The following SDK2 variants were observed in gnomAD, a reference collection of about 807,000 sequenced individuals.
SDK2 encodes the protein sidekick cell adhesion molecule 2, also known as protein sidekick-2.
In SDK2, 105 loss-of-function variants were observed where a neutral mutation model predicts 253.9. The ratio of observed to expected loss-of-function variants is 0.41; its 90% CI spans 0.35 to 0.49. The LOEUF (loss-of-function observed/expected upper bound fraction) is 0.49. Ranked by LOEUF, SDK2 falls within the 20% of genes least tolerant of loss-of-function variation. The pLI is 0.06. For missense variants in SDK2, 2,608 were observed against 3,003.0 expected (o/e 0.87, Z 3.07); for synonymous variants, 1,249 against 1,234.9 (o/e 1.01, Z -0.24).
intron 2 of SDK2, among the ~76,000 whole-genome samples, chr17:73,505,052 G>A (rs927426030): frequency 5.5e-5 from 5 of 90,354 alleles, no homozygotes; most frequent in Non-Finnish European, 8.2e-5. Context: ...CCAAGTGCGC[G>A]CTCATCTATT....
intron 3 of SDK2, among the ~76,000 whole-genome samples, chr17:73,463,465 C>G (rs1304953800): frequency 6.6e-6 from 1 of 152,120 alleles, no homozygotes; most frequent in Non-Finnish European, 1.5e-5. Flanking sequence ...ATAAACACTC[C>G]TGCACCTACC....
At chr17:73,547,893 T>A (rs1567836006) in intron 1 of SDK2, among the ~76,000 whole-genome samples, 1 of 152,130 alleles carries the variant, frequency 6.6e-6, no homozygotes, top group Non-Finnish European at 1.5e-5. Flanking sequence ...GCAGGCTTAC[T>A]AGGAAGCATG....
chr17:73,539,149 A>G (rs1422659468), intron 1 of SDK2, among the ~76,000 whole-genome samples: 1 of 152,196 alleles, frequency 6.6e-6, no homozygotes, highest in African/African-American at 2.4e-5. Flanking sequence ...AAGAGGAACC[A>G]GGCTATGTCC....
At chr17:73,588,576 C>A (rs1340035142) in intron 1 of SDK2, among the ~76,000 whole-genome samples, 1 of 152,030 alleles carries the variant, frequency 6.6e-6, no homozygotes. Context: ...AGGGCCAACT[C>A]AACTTTGCCC....
intron 1 of SDK2, among the ~76,000 whole-genome samples, chr17:73,543,603 G>A (rs1472499559): frequency 6.6e-6 from 1 of 152,250 alleles, no homozygotes; most frequent in Admixed American, 6.5e-5. Flanking sequence ...GGCTGGGCAA[G>A]TGCACCTTGA....
At chr17:73,549,870 C>T (rs1465127297) in intron 1 of SDK2, among the ~76,000 whole-genome samples, 1 of 152,144 alleles carries the variant, frequency 6.6e-6, no homozygotes, top group African/African-American at 2.4e-5. Context: ...AGAAAGATCA[C>T]TCTGGCTGCA....
chr17:73,468,137 C>T (rs978293279), intron 3 of SDK2, among the ~76,000 whole-genome samples: 9 of 152,258 alleles, frequency 5.9e-5, no homozygotes, highest in African/African-American at 9.6e-5. Context: ...GGGGCAGGGC[C>T]GGGCTGGCAG....
At chr17:73,624,960 G>A (rs1040608816) in intron 1 of SDK2, among the ~76,000 whole-genome samples, 4 of 152,184 alleles carry the variant, frequency 2.6e-5, no homozygotes, top group Admixed American at 1.3e-4. Flanking sequence ...AGGGAAGGAG[G>A]AAACTGAATA....
chr17:73,389,468 G>A (rs1190498522), intron 29 of SDK2, among the ~76,000 whole-genome samples: 1 of 152,152 alleles, frequency 6.6e-6, no homozygotes, highest in Non-Finnish European at 1.5e-5. Context: ...ACAGGTGTGA[G>A]CCACCATGCC....
intron 4 of SDK2, among the ~76,000 whole-genome samples, chr17:73,449,017 G>A (rs890566990): frequency 6.6e-6 from 1 of 152,124 alleles, no homozygotes; most frequent in Non-Finnish European, 1.5e-5. Flanking sequence ...GGGCTGGTTA[G>A]GAGGGAAAAA....
Position 73,423,485 on chromosome 17 carries a change from G to C in SDK2, c.1798C>G (p.Leu600Val). 6.3e-7 allele frequency: 1 copy of C among 1,591,876 alleles called. No individual in the cohort carries two copies. Among genetic ancestry groups the C allele is most frequent in the Non-Finnish European group, 8.6e-7 (1 of 1,166,704 alleles). The change falls in exon 14 of 45, where the codon CTC (leucine) becomes GTC (valine). Residue 600 changes from leucine to valine, a missense_variant. By Grantham distance (32) the Leu-to-Val change is conservative. This residue lies in a region of SDK2 where 1,505 missense variants were observed against 1,859.1 expected (regional missense o/e 0.81). Transcript: ENST00000392650. ...PHAPEHPVATLSTVERRAINL... is the reference protein window; with the variant it reads ...PHAPEHPVATVSTVERRAINL... ...ATGGCTCGCCTTTCCACGGTGCTGA[G>C]AGTGGCCACTGGGTGCTCGGGCGCG...
At chr17:73,416,125 G>A (rs749545212) in intron 16 of SDK2, 133 bp from the exon 17 acceptor site, 12 of 725,200 alleles carry the variant, frequency 1.7e-5, no homozygotes, top group Middle Eastern at 4.0e-4. Flanking sequence ...TGTGCTGTCC[G>A]ACAGGGTGCC....
chr17:73,409,783 A>G (rs76410287), intron 18 of SDK2, among the ~76,000 whole-genome samples: 5,117 of 152,244 alleles, frequency 0.034, 123 homozygotes, highest in Non-Finnish European at 0.056. Context: ...ATTCATTGGT[A>G]TTGAAAATGT....
chr17:73,606,002 C>A (rs967049783), intron 1 of SDK2, among the ~76,000 whole-genome samples: 49 of 144,434 alleles, frequency 3.4e-4, no homozygotes, highest in Middle Eastern at 3.5e-3. Flanking sequence ...AAAAAAAAAA[C>A]CCCACTCATA....
At chr17:73,367,854 G>A (rs147731361) in intron 37 of SDK2, among the ~76,000 whole-genome samples, 10 of 152,230 alleles carry the variant, frequency 6.6e-5, no homozygotes, top group Non-Finnish European at 1.5e-4. Flanking sequence ...AGGGCTTTGT[G>A]GGTGAGCCTA....
intron 1 of SDK2, among the ~76,000 whole-genome samples, chr17:73,513,030 A>G (rs907092450): frequency 2.0e-5 from 3 of 152,046 alleles, no homozygotes; most frequent in African/African-American, 7.3e-5. Flanking sequence ...AGATTTAAAA[A>G]TATACTGTCT....
chr17:73,554,952 A>C (rs971857408), intron 1 of SDK2, among the ~76,000 whole-genome samples: 1 of 152,232 alleles, frequency 6.6e-6, no homozygotes, highest in Admixed American at 6.5e-5. Flanking sequence ...CATCTTCAGG[A>C]GCCCTCGAGG....
intron 3 of SDK2, among the ~76,000 whole-genome samples, chr17:73,471,018 T>C (rs1440194448): frequency 6.6e-6 from 1 of 152,078 alleles, no homozygotes; most frequent in Non-Finnish European, 1.5e-5. Context: ...CCCTGGCCCC[T>C]GAGATGCCCT....
intron 1 of SDK2, among the ~76,000 whole-genome samples, chr17:73,593,786 G>C (rs1379029369): frequency 6.6e-6 from 1 of 152,146 alleles, no homozygotes; most frequent in Non-Finnish European, 1.5e-5. Context: ...TGGGCGGCAG[G>C]GCTGAGGGGA....
Sources: gnomAD v4.1 joint callset for allele counts (sites outside exome capture counted in the v4.1 genomes callset) on GRCh38, gnomAD v4.1.1 for gene constraint, gnomAD v4.1.1 regional missense constraint, MANE v1.5 for transcripts, NCBI Gene and HGNC (gene_info 2026-07-23, HGNC 2026-07-21) for gene names.